The following KLHL3 variants were observed in gnomAD, a reference collection of about 807,000 sequenced individuals.
The protein encoded by KLHL3 is kelch-like protein 3.
KLHL3 carries 19 observed loss-of-function variants against 70.5 expected under a neutral mutation model. The ratio of observed to expected loss-of-function variants is 0.27; its 90% CI spans 0.19 to 0.40. KLHL3 has a LOEUF of 0.40. Among genes scored for constraint, KLHL3 ranks in the 10% least tolerant of loss-of-function variants. The pLI, the probability that KLHL3 is intolerant of heterozygous loss-of-function variation, is 1.00. For missense variants in KLHL3, 512 were observed against 771.1 expected, an observed-to-expected ratio of 0.66 and a Z score of 3.98; for synonymous variants, 258 against 290.3, an observed-to-expected ratio of 0.89 and a Z score of 1.13.
At chr5:137,668,754 G>C (rs1032829062) in intron 6 of KLHL3, among the ~76,000 whole-genome samples, 1 of 152,206 alleles carries the variant, frequency 6.6e-6, no homozygotes, top group Non-Finnish European at 1.5e-5. Context: ...GGAGCTCACT[G>C]TGCACGTCTC....
In KLHL3 at chr5:137,621,793, CACA is replaced by C; in HGVS notation, c.*302_*304del. Reference sequence around the variant, plus strand: ...ACCATGGTCTACACACACACACACACACACACACACTCCAGGGTCTGTATTGTC... The same window carrying C: ...ACCATGGTCTACACACACACACACACCACACACTCCAGGGTCTGTATTGTC... On this transcript the variant is annotated 3_prime_UTR_variant, in exon 15 of 15. Coordinates refer to ENST00000309755, the MANE Select transcript of KLHL3 (RefSeq NM_017415.3). 2.2e-6 allele frequency: 1 copy of C among 458,264 alleles called. No individual in the cohort carries two copies. Among genetic ancestry groups the C allele is most frequent in the Non-Finnish European group, 3.9e-6 (1 of 253,254 alleles). 28.4% of individuals were successfully genotyped at this position (458,264 alleles called of 1,614,324 possible). A position where few individuals can be genotyped will look rare whatever the true frequency, so the allele number is the denominator to read the frequency against.
chr5:137,634,113 G>A lies in KLHL3; in HGVS notation c.1374C>T (p.Ser458=). Residue 458 remains serine (S), a synonymous_variant, in exon 12 of 15, where the codon AGC becomes AGT. Coordinates refer to ENST00000309755, the MANE Select transcript of KLHL3 (RefSeq NM_017415.3). ...TCGCTGGGTTGTACTGCTCCACAGT[G>A]CTCAGACACTGGCGGGAAGCTCCAT... is the stretch of plus-strand genomic sequence containing the variant. ...GYDGASRQCL[S]TVEQYNPATN... is the part of the protein sequence containing the mutation. 1 of 1,613,952 alleles carries A rather than the reference G, an allele frequency of 6.2e-7. No individual in the cohort carries two copies. The highest frequency in any genetic ancestry group is 8.5e-7 in the Non-Finnish European group (1 of 1,179,940).
intron 5 of KLHL3, among the ~76,000 whole-genome samples, chr5:137,681,153 T>C (rs183377313): frequency 2.0e-5 from 3 of 152,330 alleles, no homozygotes; most frequent in Admixed American, 2.0e-4. Context: ...TCCTTGAGGC[T>C]GCAGGTTTCC....
chr5:137,692,144 A>C (rs1418343312), intron 5 of KLHL3, 141 bp downstream of exon 5: 1 of 711,240 alleles, frequency 1.4e-6, no homozygotes, highest in Non-Finnish European at 2.3e-6. Context: ...ATCATTAATT[A>C]TCTTTCCACC....
chr5:137,717,550 A>G (rs1248997260), intron 2 of KLHL3, among the ~76,000 whole-genome samples: 1 of 152,340 alleles, frequency 6.6e-6, no homozygotes, highest in Admixed American at 6.5e-5. Flanking sequence ...AAAATAAATA[A>G]ATAAATATTT....
At chr5:137,726,707 T>G (rs1194254358) in intron 1 of KLHL3, among the ~76,000 whole-genome samples, 1 of 152,128 alleles carries the variant, frequency 6.6e-6, no homozygotes, top group East Asian at 1.9e-4. Context: ...CTGAGGACTC[T>G]GTATAGCTTA....
intron 2 of KLHL3, among the ~76,000 whole-genome samples, chr5:137,710,854 T>C (rs1000923478): frequency 6.6e-6 from 1 of 152,088 alleles, no homozygotes. Context: ...ATATTGAAAA[T>C]GAAGAAACTG....
chr5:137,728,227 A>C (rs915172997), intron 1 of KLHL3, among the ~76,000 whole-genome samples: 20 of 152,098 alleles, frequency 1.3e-4, no homozygotes, highest in Non-Finnish European at 2.8e-4. Flanking sequence ...GTGAGTGCTG[A>C]CTCCAGCACA....
At position 137,639,838 on chromosome 5, in the gene KLHL3, G is replaced by T; in HGVS notation, c.1021+22C>A. Reference sequence around the variant, plus strand: ...GGGACCAGCAGGGGAAAAACAGCTTGCAGAACTGGGAGGCTGCTCACCTGC... The same window carrying T: ...GGGACCAGCAGGGGAAAAACAGCTTTCAGAACTGGGAGGCTGCTCACCTGC... On this transcript the variant is annotated intron_variant, in intron 9 of 14. Coordinates refer to ENST00000309755, the MANE Select transcript of KLHL3 (RefSeq NM_017415.3). The surrounding 1 kb of genome is among the most constrained non-coding windows in gnomAD (Gnocchi z 5.0). The T allele has an allele frequency of 6.3e-7, 1 of 1,582,970 alleles. No individual in the cohort carries two copies. Among genetic ancestry groups the T allele is most frequent in the Non-Finnish European group, 8.7e-7 (1 of 1,151,584 alleles).
chr5:137,653,429 T>C (rs1751259556), intron 8 of KLHL3, among the ~76,000 whole-genome samples: 1 of 152,158 alleles, frequency 6.6e-6, no homozygotes, highest in Non-Finnish European at 1.5e-5. Context: ...AACCCAATTT[T>C]TCAAATGGGC....
At chr5:137,730,558 A>G (rs979001569) in intron 1 of KLHL3, among the ~76,000 whole-genome samples, 2 of 152,230 alleles carry the variant, frequency 1.3e-5, no homozygotes, top group Non-Finnish European at 2.9e-5. Context: ...AAGCTCAAGA[A>G]CAGGTATGTT....
intron 12 of KLHL3, among the ~76,000 whole-genome samples, chr5:137,632,583 G>A (rs1750664617): frequency 6.6e-6 from 1 of 152,130 alleles, no homozygotes; most frequent in Admixed American, 6.5e-5. Flanking sequence ...AAACTCTTCT[G>A]GGCATTGGCC....
intron 2 of KLHL3, among the ~76,000 whole-genome samples, chr5:137,713,095 A>G (rs1344071768): frequency 6.7e-6 from 1 of 149,624 alleles, no homozygotes; most frequent in Non-Finnish European, 1.5e-5. Context: ...AAGTGGTTAC[A>G]TGGTCCTGGA....
intron 5 of KLHL3, among the ~76,000 whole-genome samples, chr5:137,682,505 T>C (rs1752057731): frequency 6.6e-6 from 1 of 151,602 alleles, no homozygotes. Context: ...AGTCCCTAAA[T>C]TCCTAACTTC....
chr5:137,681,711 A>G (rs1752030627), intron 5 of KLHL3, among the ~76,000 whole-genome samples: 1 of 152,122 alleles, frequency 6.6e-6, no homozygotes, highest in Admixed American at 6.5e-5. Context: ...ACTCTCCAAT[A>G]ATAACTAACT....
At chr5:137,712,928 A>T (rs540663464) in intron 2 of KLHL3, among the ~76,000 whole-genome samples, 1 of 152,314 alleles carries the variant, frequency 6.6e-6, no homozygotes, top group South Asian at 2.1e-4. Context: ...TTTGAAAAAA[A>T]ATTTTAAAAA....
intron 1 of KLHL3, 118 bp downstream of exon 1, chr5:137,735,514 CA>C: frequency 1.3e-6 from 1 of 788,988 alleles, no homozygotes; most frequent in Admixed American, 1.9e-5. Flanking sequence ...TAAGATCCAT[CA>C]GTGGCCAGGT....
chr5:137,639,433 G>A lies in KLHL3; in HGVS notation c.1022-283C>T, dbSNP rs892749892. On this transcript the variant is annotated intron_variant, in intron 9 of 14. Coordinates refer to ENST00000309755, the MANE Select transcript of KLHL3 (RefSeq NM_017415.3). The surrounding 1 kb of genome is among the most constrained non-coding windows in gnomAD (Gnocchi z 5.0). ...CAAGTGGCCGGGCATGGTAGCTCAC[G>A]CCTGTAATTCCAGTACCTTGGGAAG... Among the ~76,000 whole-genome samples, 1 of 152,112 alleles carries A rather than the reference G, an allele frequency of 6.6e-6. No homozygotes were observed. Among genetic ancestry groups the A allele is most frequent in the Non-Finnish European group, 1.5e-5 (1 of 68,026 alleles).
rs1368194086 is a variant in KLHL3 at position 137,735,652 on chromosome 5, G to A, written c.-6C>T. On this transcript the variant is annotated 5_prime_UTR_variant, in exon 1 of 15. Transcript: ENST00000309755. ...ACATACCTTTCACCCTCCATTGTGTGAGGCCCAGCCAGGGTGGTAGCTGCT... is the reference window on the plus strand; with the variant it reads ...ACATACCTTTCACCCTCCATTGTGTAAGGCCCAGCCAGGGTGGTAGCTGCT... 2 of 1,613,654 alleles carry A rather than the reference G, an allele frequency of 1.2e-6. No homozygotes were observed. The highest frequency in any genetic ancestry group is 1.7e-5 in the Admixed American group (1 of 60,000).
Sources: gnomAD v4.1 joint callset for allele counts (sites outside exome capture counted in the v4.1 genomes callset) on GRCh38, gnomAD v4.1.1 for gene constraint, Gnocchi (gnomAD v3.1) non-coding constraint, MANE v1.5 for transcripts, NCBI Gene and HGNC (gene_info 2026-07-23, HGNC 2026-07-21) for gene names.